The following ARMC9 variants were observed in gnomAD, a reference collection of about 807,000 sequenced individuals.
The protein encoded by ARMC9 is armadillo repeat containing 9, also known as lisH domain-containing protein ARMC9.
In ARMC9, 94 loss-of-function variants were observed where a neutral mutation model predicts 107.0. That is an observed-to-expected ratio of 0.88 (90% CI 0.74 to 1.04). ARMC9 has a LOEUF of 1.04. Ranked by LOEUF, ARMC9 falls within the 50% of genes least tolerant of loss-of-function variation. The pLI is 0.00. For missense variants in ARMC9, 942 were observed against 1,030.1 expected (o/e 0.91, Z 1.17); for synonymous variants, 380 against 396.9 (o/e 0.96, Z 0.51).
chr2:231,307,213 G>T (rs1424327650), intron 19 of ARMC9, among the ~76,000 whole-genome samples: 1 of 152,240 alleles, frequency 6.6e-6, no homozygotes, highest in Admixed American at 6.5e-5. Context: ...CTGGGGTGGA[G>T]CAAGAGGCTG....
At chr2:231,323,198 A>G (rs2043097111) in intron 19 of ARMC9, among the ~76,000 whole-genome samples, 1 of 152,178 alleles carries the variant, frequency 6.6e-6, no homozygotes, top group East Asian at 1.9e-4. Context: ...CTTAAAAAAA[A>G]AAATGGGGGG....
chr2:231,320,055 T>A (rs1454559559), intron 19 of ARMC9, among the ~76,000 whole-genome samples: 1 of 152,226 alleles, frequency 6.6e-6, no homozygotes, highest in African/African-American at 2.4e-5. Context: ...TTTACTGGCT[T>A]GCTTTTTTCA....
At chr2:231,310,150 C>G (rs565444046) in intron 19 of ARMC9, among the ~76,000 whole-genome samples, 1 of 152,342 alleles carries the variant, frequency 6.6e-6, no homozygotes, top group African/African-American at 2.4e-5. Flanking sequence ...CGCGGTGGCT[C>G]ACGCCTGTAA....
At chr2:231,351,842 T>G (rs546959225) in intron 21 of ARMC9, among the ~76,000 whole-genome samples, 1 of 152,252 alleles carries the variant, frequency 6.6e-6, no homozygotes, top group Admixed American at 6.5e-5. Flanking sequence ...AAAAAAAAAT[T>G]ATGACCCTCC....
intron 5 of ARMC9, among the ~76,000 whole-genome samples, chr2:231,218,526 G>C (rs915498839): frequency 6.6e-6 from 1 of 152,194 alleles, no homozygotes; most frequent in African/African-American, 2.4e-5. Flanking sequence ...TGGCAGTAGA[G>C]CTGGCAGAAT....
intron 19 of ARMC9, among the ~76,000 whole-genome samples, chr2:231,309,364 T>C (rs2042209404): frequency 6.6e-6 from 1 of 152,208 alleles, no homozygotes; most frequent in South Asian, 2.1e-4. Context: ...TTTTAAAAAT[T>C]TTACCAAAGC....
chr2:231,334,476 G>A (rs1020680251), intron 20 of ARMC9, among the ~76,000 whole-genome samples: 4 of 152,106 alleles, frequency 2.6e-5, no homozygotes, highest in Non-Finnish European at 5.9e-5. Context: ...TTGTTCCCCC[G>A]GGTGACCCAG....
At chr2:231,291,546 G>A (rs1033494573) in intron 18 of ARMC9, 103 bp downstream of exon 18, 78 of 1,166,524 alleles carry the variant, frequency 6.7e-5, no homozygotes, top group East Asian at 7.8e-5. Flanking sequence ...AGCCGGGCAC[G>A]GTGGCTCGTG....
At chr2:231,200,696 G>A (rs2030756612) in intron 1 of ARMC9, among the ~76,000 whole-genome samples, 2 of 136,592 alleles carry the variant, frequency 1.5e-5, no homozygotes, top group South Asian at 4.4e-4. Context: ...TTAGCTGGGC[G>A]TCATGGCGCA....
intron 12 of ARMC9, among the ~76,000 whole-genome samples, chr2:231,268,842 G>A (rs1432418873): frequency 6.6e-6 from 1 of 151,938 alleles, no homozygotes; most frequent in African/African-American, 2.4e-5. Context: ...CAGGAGGATC[G>A]CTTGAGCCCA....
intron 12 of ARMC9, among the ~76,000 whole-genome samples, chr2:231,269,398 C>CTTTTTTTTTTTTT (rs773618086): frequency 1.4e-4 from 16 of 112,378 alleles, no homozygotes; most frequent in African/African-American, 4.7e-4. Context: ...TTTTCTTCTT[C>CTTTTTTTTTTTTT]TTTTTTTTTT....
intron 4 of ARMC9, among the ~76,000 whole-genome samples, chr2:231,216,394 A>G (rs1027318728): frequency 4.6e-5 from 7 of 152,220 alleles, no homozygotes; most frequent in African/African-American, 1.7e-4. Flanking sequence ...GAAAATGGCA[A>G]TAATAAAGTT....
chr2:231,226,493 G>C (rs898226989), intron 6 of ARMC9, among the ~76,000 whole-genome samples: 3 of 152,210 alleles, frequency 2.0e-5, no homozygotes, highest in African/African-American at 7.2e-5. Context: ...AAGGGGATAG[G>C]AAGGGGATAG....
intron 21 of ARMC9, among the ~76,000 whole-genome samples, chr2:231,346,897 C>G (rs1200357177): frequency 6.6e-6 from 1 of 152,094 alleles, no homozygotes; most frequent in Non-Finnish European, 1.5e-5. Context: ...TAATAAAATT[C>G]CTCTTGCTTG....
chr2:231,215,349 AATTT>A, intron 4 of ARMC9: 1 of 170,716 alleles, frequency 5.9e-6, no homozygotes, highest in Admixed American at 5.9e-5. Flanking sequence ...TTAGAACATA[AATTT>A]ATTTACTTAT....
intron 17 of ARMC9, among the ~76,000 whole-genome samples, chr2:231,287,151 A>G (rs2040651468): frequency 6.6e-6 from 1 of 152,246 alleles, no homozygotes; most frequent in South Asian, 2.1e-4. Context: ...GGAATGTCCA[A>G]GCACACCATG....
chr2:231,235,057 A>G (rs2035584739), intron 7 of ARMC9, among the ~76,000 whole-genome samples, 167 bp from the exon 8 acceptor site: 1 of 152,292 alleles, frequency 6.6e-6, no homozygotes, highest in Non-Finnish European at 1.5e-5. Flanking sequence ...GCACTATGTA[A>G]ATAAATGTGG....
intron 5 of ARMC9, among the ~76,000 whole-genome samples, chr2:231,217,444 T>C (rs960329540): frequency 1.3e-5 from 2 of 151,386 alleles, no homozygotes; most frequent in Non-Finnish European, 2.9e-5. Flanking sequence ...ATTAGCCGGG[T>C]GTGTAATTCC....
chr2:231,350,704 C>T (rs2045029182), intron 21 of ARMC9, among the ~76,000 whole-genome samples: 1 of 151,930 alleles, frequency 6.6e-6, no homozygotes, highest in Non-Finnish European at 1.5e-5. Context: ...GGTCAGGACC[C>T]TTCTCAGCCC....
Sources: gnomAD v4.1 joint callset for allele counts (sites outside exome capture counted in the v4.1 genomes callset) on GRCh38, gnomAD v4.1.1 for gene constraint, MANE v1.5 for transcripts, NCBI Gene and HGNC (gene_info 2026-07-23, HGNC 2026-07-21) for gene names.